Variants in DLG2 observed in about 807,000 individuals in gnomAD.
DLG2 encodes the protein discs large MAGUK scaffold protein 2, also known as disks large homolog 2.
A neutral mutation model predicts 132.5 loss-of-function variants in DLG2; 45 were observed. The observed-to-expected ratio is 0.34, with a 90% CI of 0.27 to 0.44. DLG2 has a LOEUF of 0.44. Among genes scored for constraint, DLG2 ranks in the 20% least tolerant of loss-of-function variants. The probability of loss-of-function intolerance (pLI) is 1.00; values close to 1 mark genes in which losing one functional copy is unlikely to be tolerated. For synonymous variants in DLG2, 424 were observed against 419.6 expected, an observed-to-expected ratio of 1.01 and a Z score of -0.13; for missense variants, 1,045 against 1,196.9, an observed-to-expected ratio of 0.87 and a Z score of 1.87.
At chr11:85,182,215 C>T (rs1210869286) in intron 4 of DLG2, among the ~76,000 whole-genome samples, 1 of 151,764 alleles carries the variant, frequency 6.6e-6, no homozygotes, top group African/African-American at 2.4e-5. Context: ...ACTGTCAACC[C>T]ATTTTAACAT....
At chr11:85,124,424 T>G (rs955295140) in intron 5 of DLG2, among the ~76,000 whole-genome samples, 2 of 152,222 alleles carry the variant, frequency 1.3e-5, no homozygotes, top group Admixed American at 1.3e-4. Flanking sequence ...ATGTATAGAG[T>G]ACTTCGTACT....
chr11:85,509,277 C>G (rs2094004291), intron 3 of DLG2, among the ~76,000 whole-genome samples: 1 of 152,038 alleles, frequency 6.6e-6, no homozygotes, highest in Non-Finnish European at 1.5e-5. Context: ...AATTAAACTA[C>G]TGCATGTAAA....
chr11:83,598,090 C>T (rs934472482), intron 19 of DLG2, among the ~76,000 whole-genome samples: 3 of 152,012 alleles, frequency 2.0e-5, no homozygotes, highest in African/African-American at 7.2e-5. Flanking sequence ...CTATTTGCTC[C>T]GGGGTGGGAA....
At chr11:84,848,514 A>G (rs2081785865) in intron 6 of DLG2, among the ~76,000 whole-genome samples, 1 of 151,992 alleles carries the variant, frequency 6.6e-6, no homozygotes, top group Non-Finnish European at 1.5e-5. Context: ...AAAATAAAAT[A>G]AAAGCCAGAG....
At chr11:84,550,695 C>T (rs1435776245) in intron 6 of DLG2, among the ~76,000 whole-genome samples, 1 of 152,140 alleles carries the variant, frequency 6.6e-6, no homozygotes, top group African/African-American at 2.4e-5. Flanking sequence ...GCATATATAT[C>T]CTCTGTGACA....
At chr11:83,721,701 G>C (rs1359373981) in intron 18 of DLG2, among the ~76,000 whole-genome samples, 1 of 152,194 alleles carries the variant, frequency 6.6e-6, no homozygotes, top group African/African-American at 2.4e-5. Flanking sequence ...ATTTAGATGC[G>C]ACAACGAATT....
At chr11:85,307,122 A>T (rs1193108766) in intron 3 of DLG2, among the ~76,000 whole-genome samples, 2 of 152,222 alleles carry the variant, frequency 1.3e-5, no homozygotes, top group Non-Finnish European at 2.9e-5. Context: ...ATAACGAAAG[A>T]AGACGCTGAC....
intron 3 of DLG2, among the ~76,000 whole-genome samples, chr11:85,399,564 T>A (rs2087818352): frequency 6.6e-6 from 1 of 152,104 alleles, no homozygotes; most frequent in Admixed American, 6.6e-5. Context: ...AACAGCATGG[T>A]ACTGGTACTA....
intron 3 of DLG2, among the ~76,000 whole-genome samples, chr11:85,496,727 G>T (rs1036144176): frequency 1.3e-4 from 20 of 152,128 alleles, no homozygotes; most frequent in Admixed American, 1.3e-3. Context: ...CTCAGAGGAA[G>T]GATCAGGCAG....
At chr11:83,715,552 T>C (rs975366425) in intron 18 of DLG2, among the ~76,000 whole-genome samples, 1 of 152,224 alleles carries the variant, frequency 6.6e-6, no homozygotes, top group Non-Finnish European at 1.5e-5. Flanking sequence ...TCTTAATGAC[T>C]GTCCTTTGTT....
At chr11:84,822,655 T>A (rs993044318) in intron 6 of DLG2, among the ~76,000 whole-genome samples, 3 of 151,944 alleles carry the variant, frequency 2.0e-5, no homozygotes, top group African/African-American at 7.2e-5. Context: ...CTTAAGATGT[T>A]AAGATGGTAG....
At chr11:84,961,166 T>G (rs1349661847) in intron 6 of DLG2, among the ~76,000 whole-genome samples, 1 of 77,088 alleles carries the variant, frequency 1.3e-5, no homozygotes, top group Non-Finnish European at 2.9e-5. Context: ...GGTCTTCTGC[T>G]TGGTTGGTGC....
chr11:83,689,985 TTTA>T (rs1487821961), intron 18 of DLG2, among the ~76,000 whole-genome samples: 4 of 110,070 alleles, frequency 3.6e-5, no homozygotes, highest in African/African-American at 6.8e-5. Context: ...TTATAATATA[TTTA>T]TTATAATATT....
At chr11:84,908,409 A>C (rs2091751647) in intron 6 of DLG2, among the ~76,000 whole-genome samples, 1 of 152,178 alleles carries the variant, frequency 6.6e-6, no homozygotes, top group Non-Finnish European at 1.5e-5. Context: ...CTCAACAGCC[A>C]CATGTGTCCA....
At chr11:85,214,753 T>A (rs761522317) in intron 4 of DLG2, among the ~76,000 whole-genome samples, 3 of 152,196 alleles carry the variant, frequency 2.0e-5, no homozygotes, top group Non-Finnish European at 2.9e-5. Context: ...TAAATTTATC[T>A]TCTTAAATTA....
intron 11 of DLG2, among the ~76,000 whole-genome samples, chr11:84,007,665 G>T (rs2094638697): frequency 6.6e-6 from 1 of 151,604 alleles, no homozygotes; most frequent in African/African-American, 2.4e-5. Context: ...ACTTTTAATG[G>T]ATCTGTTTTC....
chr11:84,808,411 C>T lies in DLG2; in HGVS notation c.358-273680G>A, dbSNP rs560777877. ...GTCTCAAATAATTAGTCTAAGCTCC[C>T]ACCTAGGAAATAGTAAAATAAAACC... On this transcript the variant is annotated intron_variant, in intron 6 of 27. Coordinates refer to ENST00000376104, the MANE Select transcript of DLG2 (RefSeq NM_001142699.3). Among the ~76,000 whole-genome samples the T allele has an allele frequency of 2.5e-4, 38 of 151,814 alleles. 1 individual carries two copies. The highest frequency in any genetic ancestry group is 6.8e-3 in the Middle Eastern group (2 of 294).
intron 3 of DLG2, among the ~76,000 whole-genome samples, chr11:85,370,850 T>C (rs1031523185): frequency 6.6e-6 from 1 of 152,234 alleles, no homozygotes; most frequent in Admixed American, 6.5e-5. Flanking sequence ...CTTTAGGTTA[T>C]ATATTGGTAC....
intron 4 of DLG2, among the ~76,000 whole-genome samples, chr11:85,168,305 G>A (rs1418635053): frequency 1.3e-5 from 2 of 152,036 alleles, no homozygotes; most frequent in East Asian, 1.9e-4. Context: ...TTCAACAGAG[G>A]TTCAGTTCAA....
Sources: gnomAD v4.1 joint callset for allele counts (sites outside exome capture counted in the v4.1 genomes callset) on GRCh38, gnomAD v4.1.1 for gene constraint, MANE v1.5 for transcripts, NCBI Gene and HGNC (gene_info 2026-07-23, HGNC 2026-07-21) for gene names.